Variants in ANK2 observed in about 807,000 individuals in gnomAD.
ANK2 encodes the protein ankyrin-2.
ANK2 carries 83 observed loss-of-function variants against 360.5 expected under a neutral mutation model. The ratio of observed to expected loss-of-function variants is 0.23; its 90% CI spans 0.19 to 0.28. ANK2 has a LOEUF of 0.28. Among genes scored for constraint, ANK2 ranks in the 10% least tolerant of loss-of-function variants. The pLI is 1.00. For missense variants in ANK2, 4,201 were observed against 4,795.7 expected (o/e 0.88, Z 3.66); for synonymous variants, 1,740 against 1,759.5 (o/e 0.99, Z 0.28).
At chr4:113,370,406 C>T (rs745850092) in intron 43 of ANK2, among the ~76,000 whole-genome samples, 5 of 151,980 alleles carry the variant, frequency 3.3e-5, no homozygotes, top group South Asian at 2.1e-4. Context: ...TGCATCATAG[C>T]GCTTCCTTTG....
At chr4:113,155,704 G>T (rs10029109) in intron 1 of ANK2, among the ~76,000 whole-genome samples, 103,542 of 151,464 alleles carry the variant, frequency 0.68, 35,935 homozygotes, top group African/African-American at 0.8. Flanking sequence ...CATACTTTTT[G>T]ATTTCTATAA....
intron 2 of ANK2, among the ~76,000 whole-genome samples, chr4:113,029,612 A>G (rs888594632): frequency 2.0e-5 from 3 of 152,080 alleles, no homozygotes; most frequent in African/African-American, 4.8e-5. Context: ...GCCTCAAGAA[A>G]CTATAGTAAT....
chr4:112,806,205 C>T, the ANK2 span, among the ~76,000 whole-genome samples: 4 of 152,156 alleles, frequency 2.6e-5, no homozygotes, highest in Admixed American at 1.3e-4. Flanking sequence ...CATTTCTCCC[C>T]CTCACACTAC....
At chr4:113,324,512 A>T (rs973270082) in intron 26 of ANK2, among the ~76,000 whole-genome samples, 2 of 152,176 alleles carry the variant, frequency 1.3e-5, no homozygotes, top group Admixed American at 1.3e-4. Context: ...GAAAACTTTT[A>T]TATACATCCT....
the ANK2 span, among the ~76,000 whole-genome samples, chr4:112,755,445 G>C: frequency 6.6e-6 from 1 of 152,218 alleles, no homozygotes; most frequent in Non-Finnish European, 1.5e-5. Flanking sequence ...CGAAAAAGGA[G>C]TCAGCAAAGG....
chr4:113,383,713 T>C lies in ANK2; in HGVS notation c.*2242T>C, dbSNP rs2097205096. On this transcript the variant is annotated 3_prime_UTR_variant, in exon 46 of 46. Coordinates refer to ENST00000357077, the MANE Select transcript of ANK2 (RefSeq NM_001148.6). ...GTGTACAATGGCTGATTTAATTAAA[T>C]AAAATGTACAAGTGTTAAATGTGGC... The C allele has an allele frequency of 6.6e-6, 1 of 152,656 alleles. No individual in the cohort carries two copies. The highest frequency in any genetic ancestry group is 2.4e-5 in the African/African-American group (1 of 41,456). 9.5% of individuals were successfully genotyped at this position (152,656 alleles called of 1,614,324 possible).
At chr4:112,833,745 C>T (rs934753683) in intron 1 of ANK2, among the ~76,000 whole-genome samples, 1 of 152,140 alleles carries the variant, frequency 6.6e-6, no homozygotes, top group African/African-American at 2.4e-5. Context: ...CCTCGTGATC[C>T]GCCCGCCTCG....
At chr4:112,791,476 CTTCTTTTTTTTTTTT>C in the ANK2 span, among the ~76,000 whole-genome samples, 3 of 98,276 alleles carry the variant, frequency 3.1e-5, no homozygotes, top group African/African-American at 9.5e-5. Context: ...TCTTCTTCTT[CTTCTTTTTTTTTTTT>C]TTTTTTTTTT....
rs112663572 is a variant in ANK2 at position 113,293,415 on chromosome 4, T to C, written c.2377-25T>C. The C allele has an allele frequency of 3.4e-4, 543 of 1,595,766 alleles. 3 individuals carry two copies. The African/African-American group carries it at 6.4e-3, about 19-fold the overall frequency. The stretch of plus-strand genomic sequence containing the variant: ...CGCAGTCCTCTCTCTTATTTCTCAC[T>C]CTCTCTCTTTCACTCTCTCTTCAGA... On this transcript the variant is annotated intron_variant, in intron 21 of 45. Transcript: ENST00000357077.
chr4:113,266,991 T>C (rs1171630625), intron 14 of ANK2, among the ~76,000 whole-genome samples: 1 of 152,248 alleles, frequency 6.6e-6, no homozygotes, highest in Non-Finnish European at 1.5e-5. Flanking sequence ...TTTGCATTTC[T>C]CTAGTGACCA....
chr4:112,766,013 T>C, the ANK2 span, among the ~76,000 whole-genome samples: 1 of 152,160 alleles, frequency 6.6e-6, no homozygotes, highest in Non-Finnish European at 1.5e-5. Flanking sequence ...CACAATGTGA[T>C]ACACCAGCAC....
intron 2 of ANK2, among the ~76,000 whole-genome samples, chr4:113,179,818 T>G (rs2098349804): frequency 6.6e-6 from 1 of 152,254 alleles, no homozygotes; most frequent in South Asian, 2.1e-4. Flanking sequence ...TGTAGCCAGT[T>G]ACAAGTCAAT....
chr4:112,965,116 C>G (rs1256551107), intron 2 of ANK2, among the ~76,000 whole-genome samples: 13 of 152,144 alleles, frequency 8.5e-5, no homozygotes, highest in Admixed American at 8.5e-4. Context: ...ACATTTTTGT[C>G]AATAGTATAT....
intron 2 of ANK2, among the ~76,000 whole-genome samples, chr4:113,183,576 G>A (rs1397360542): frequency 6.6e-6 from 1 of 152,296 alleles, no homozygotes; most frequent in East Asian, 1.9e-4. Context: ...AGTGGGCACC[G>A]TGAAAAGATG....
the ANK2 span, among the ~76,000 whole-genome samples, chr4:112,775,515 TCACACA>T: frequency 8.5e-6 from 1 of 118,064 alleles, no homozygotes; most frequent in Admixed American, 8.9e-5. Context: ...CTAAGCTCCA[TCACACA>T]CACACACACA....
At chr4:112,862,506 G>C (rs572875390) in intron 1 of ANK2, among the ~76,000 whole-genome samples, 1 of 152,242 alleles carries the variant, frequency 6.6e-6, no homozygotes, top group Non-Finnish European at 1.5e-5. Context: ...CTGTATACCA[G>C]AGTTCTAGTT....
At chr4:112,912,516 C>A (rs2087984657) in intron 2 of ANK2, among the ~76,000 whole-genome samples, 1 of 151,502 alleles carries the variant, frequency 6.6e-6, no homozygotes, top group South Asian at 2.1e-4. Flanking sequence ...TTTTCCTATC[C>A]CTCCCATTTT....
At chr4:113,192,928 A>ATTTT (rs1562781894) in intron 2 of ANK2, among the ~76,000 whole-genome samples, 101 of 144,404 alleles carry the variant, frequency 7.0e-4, no homozygotes, top group African/African-American at 2.2e-3. Context: ...ATTATTTAAA[A>ATTTT]AAAAAAAAAA....
intron 1 of ANK2, among the ~76,000 whole-genome samples, chr4:112,888,145 C>G (rs149658031): frequency 1.3e-5 from 2 of 152,078 alleles, no homozygotes; most frequent in African/African-American, 4.8e-5. Context: ...CATTTTATTG[C>G]TATTTATATA....
Sources: allele counts gnomAD v4.1 joint callset (sites outside exome capture counted in the v4.1 genomes callset), GRCh38; gene constraint gnomAD v4.1.1; transcripts MANE v1.5; gene names NCBI Gene and HGNC (gene_info 2026-07-23, HGNC 2026-07-21).